Variants in RAPGEF4 observed in about 807,000 individuals in gnomAD.
RAPGEF4 encodes the protein Rap guanine nucleotide exchange factor 4.
In RAPGEF4, 66 loss-of-function variants were observed where a neutral mutation model predicts 147.9. That is an observed-to-expected ratio of 0.45 (90% CI 0.37 to 0.55). RAPGEF4 has a LOEUF of 0.55. Ranked by LOEUF, RAPGEF4 falls within the 20% of genes least tolerant of loss-of-function variation. The pLI is 0.00. For missense variants in RAPGEF4, 1,071 were observed against 1,257.3 expected (o/e 0.85, Z 2.24); for synonymous variants, 419 against 442.7 (o/e 0.95, Z 0.67).
chr2:172,763,779 G>A (rs1161965714), intron 1 of RAPGEF4, among the ~76,000 whole-genome samples: 1 of 152,088 alleles, frequency 6.6e-6, no homozygotes, highest in Non-Finnish European at 1.5e-5. Flanking sequence ...GACTTTTCCA[G>A]TTTAATGCAA....
Position 173,018,867 on chromosome 2 carries a change from G to A in RAPGEF4, c.2155+65G>A, listed in dbSNP as rs1034362342. 4 of 1,565,072 alleles carry A rather than the reference G, an allele frequency of 2.6e-6. No individual in the cohort carries two copies. In the South Asian group the frequency reaches 3.6e-5, roughly 14 times the overall value. On this transcript the variant is annotated intron_variant, in intron 22 of 30. Coordinates refer to ENST00000397081, the MANE Select transcript of RAPGEF4 (RefSeq NM_007023.4). ...GACATTCCATCCAAGCAGAAACTAT[G>A]TAAGGAGTTAGCGTGGTCATGTGAG...
At chr2:173,036,798 T>G (rs1575578967) in intron 29 of RAPGEF4, 106 bp downstream of exon 29, 1 of 697,360 alleles carries the variant, frequency 1.4e-6, no homozygotes, top group Non-Finnish European at 2.3e-6. Flanking sequence ...GCTAAAAAGG[T>G]AGTTACACAT....
intron 1 of RAPGEF4, among the ~76,000 whole-genome samples, chr2:172,743,444 CA>C (rs1559017502): frequency 7.9e-5 from 12 of 152,294 alleles, no homozygotes; most frequent in South Asian, 2.1e-4. Flanking sequence ...TTTCTTGGCG[CA>C]ACTATCTGTT....
intron 6 of RAPGEF4, among the ~76,000 whole-genome samples, chr2:172,945,766 C>T (rs1352985329): frequency 2.0e-5 from 3 of 152,082 alleles, no homozygotes; most frequent in Non-Finnish European, 4.4e-5. Context: ...ACATTTTTGT[C>T]TTAATTGATC....
rs112722051 is a variant in RAPGEF4 at position 172,996,521 on chromosome 2, A to G, written c.1546A>G (p.Ile516Val). 9.7e-4 allele frequency: 1,531 copies of G among 1,586,500 alleles called. 21 individuals carry two copies. In the African/African-American group the frequency reaches 0.019, roughly 20 times the overall value. ...EKILEHFLET[I>V]RLEATLNEAT... ...AATTTTAGAGCATTTTCTAGAAACA[A>G]TACGCCTTGAGGCAACTTTAAATGA... Residue 516 changes from isoleucine (I) to valine (V), a missense_variant, in exon 16 of 31, where the codon ATA becomes GTA. Physicochemically the swap from Ile to Val is conservative, Grantham distance 29. Coordinates refer to ENST00000397081, the MANE Select transcript of RAPGEF4 (RefSeq NM_007023.4).
intron 4 of RAPGEF4, among the ~76,000 whole-genome samples, chr2:172,829,040 C>A (rs1322218421): frequency 6.6e-6 from 1 of 152,156 alleles, no homozygotes; most frequent in Non-Finnish European, 1.5e-5. Context: ...TCTCCAATTG[C>A]TGATTTAGGG....
intron 24 of RAPGEF4, 41 bp from the exon 25 acceptor site, chr2:173,027,040 T>A (rs186236946): frequency 1.3e-6 from 2 of 1,521,102 alleles, no homozygotes; most frequent in East Asian, 4.6e-5. Context: ...GTGTTTTGAT[T>A]TAAAAAAAAA....
At chr2:172,911,149 C>G (rs2676501) in intron 4 of RAPGEF4, among the ~76,000 whole-genome samples, 78,803 of 151,928 alleles carry the variant, frequency 0.52, 20,902 homozygotes, top group East Asian at 0.66. Flanking sequence ...ATCCCATCAG[C>G]TAAATCAGAT....
At chr2:172,971,164 T>C (rs941157599) in intron 10 of RAPGEF4, among the ~76,000 whole-genome samples, 17 of 152,220 alleles carry the variant, frequency 1.1e-4, no homozygotes, top group African/African-American at 3.9e-4. Context: ...GGATCTGGAG[T>C]GACTAGGTAA....
intron 4 of RAPGEF4, among the ~76,000 whole-genome samples, chr2:172,912,398 A>C (rs567045078): frequency 6.6e-6 from 1 of 152,270 alleles, no homozygotes; most frequent in Admixed American, 6.5e-5. Context: ...TTCTTTTAAA[A>C]AGTCTTTTGC....
chr2:172,978,538 T>C lies in RAPGEF4; in HGVS notation c.1005-4958T>C, dbSNP rs115169177. Among the ~76,000 whole-genome samples, 266 of 152,318 alleles carry C rather than the reference T, an allele frequency of 1.7e-3. 1 individual carries two copies. The highest frequency in any genetic ancestry group is 6.1e-3 in the African/African-American group (255 of 41,568). On this transcript the variant is annotated intron_variant, in intron 10 of 30. Coordinates refer to ENST00000397081, the MANE Select transcript of RAPGEF4 (RefSeq NM_007023.4). ...TCAAGGTCTTGCCTGGCAGTAAATCTGCCCCTGTCCACTACTGAGTGTGAC... is the reference window on the plus strand; with the variant it reads ...TCAAGGTCTTGCCTGGCAGTAAATCCGCCCCTGTCCACTACTGAGTGTGAC...
chr2:172,961,283 A>G, intron 8 of RAPGEF4, 55 bp downstream of exon 8: 1 of 1,374,902 alleles, frequency 7.3e-7, no homozygotes, highest in Non-Finnish European at 1.0e-6. Flanking sequence ...TTTAGTGAAA[A>G]TGGAACAAAA....
chr2:172,807,536 G>A (rs1687625323), intron 3 of RAPGEF4, among the ~76,000 whole-genome samples: 1 of 152,184 alleles, frequency 6.6e-6, no homozygotes, highest in South Asian at 2.1e-4. Flanking sequence ...CAAATTAAGA[G>A]ATTGGGTTCC....
intron 4 of RAPGEF4, among the ~76,000 whole-genome samples, chr2:172,839,863 T>G (rs994490197): frequency 1.3e-5 from 2 of 152,178 alleles, no homozygotes; most frequent in African/African-American, 4.8e-5. Context: ...TTCCTGGGCA[T>G]TGGGCGTACG....
At chr2:172,815,223 G>A (rs1688386720) in intron 4 of RAPGEF4, among the ~76,000 whole-genome samples, 1 of 152,250 alleles carries the variant, frequency 6.6e-6, no homozygotes, top group East Asian at 1.9e-4. Context: ...ACTGGTCCCA[G>A]TGTGGCTAAG....
chr2:172,748,267 T>G (rs1694952032), intron 1 of RAPGEF4, among the ~76,000 whole-genome samples: 1 of 152,230 alleles, frequency 6.6e-6, no homozygotes, highest in African/African-American at 2.4e-5. Context: ...AATAACATAC[T>G]AATTTACATT....
At chr2:172,825,060 G>A (rs1336514610) in intron 4 of RAPGEF4, among the ~76,000 whole-genome samples, 1 of 152,148 alleles carries the variant, frequency 6.6e-6, no homozygotes, top group African/African-American at 2.4e-5. Flanking sequence ...TGGCCATCGT[G>A]ACCATTATAT....
Position 173,019,773 on chromosome 2 carries a change from T to A in RAPGEF4, c.2156-845T>A, listed in dbSNP as rs896381382. On this transcript the variant is annotated intron_variant, in intron 22 of 30. Transcript: ENST00000397081. ...GATATCCCAGGTCTCACCCTCACTT[T>A]CTTTCAGTCTTTACCCAAATGTCAG... 2.0e-5 allele frequency among the ~76,000 whole-genome samples: 3 copies of A among 152,358 alleles called. No homozygotes were observed. The Middle Eastern group carries it at 0.01, about 518-fold the overall frequency.
intron 4 of RAPGEF4, among the ~76,000 whole-genome samples, chr2:172,904,982 C>G (rs150371195): frequency 8.5e-4 from 129 of 152,092 alleles, no homozygotes; most frequent in African/African-American, 3.0e-3. Context: ...CTGTCCTGGC[C>G]CCTGTGTGCT....
Sources: allele counts gnomAD v4.1 joint callset (sites outside exome capture counted in the v4.1 genomes callset), GRCh38; gene constraint gnomAD v4.1.1; transcripts MANE v1.5; gene names NCBI Gene and HGNC (gene_info 2026-07-23, HGNC 2026-07-21).